Variants in MRPS28 observed in about 807,000 individuals in gnomAD.
MRPS28 encodes mitochondrial ribosomal protein S28, also known as small ribosomal subunit protein bS1m.
A neutral mutation model predicts 10.8 loss-of-function variants in MRPS28; 7 were observed. That is an observed-to-expected ratio of 0.65 (90% confidence interval 0.37 to 1.22). MRPS28 has a LOEUF of 1.22. MRPS28 is among the 50% of genes most tolerant of loss of function. The probability of loss-of-function intolerance (pLI) is 0.02; values close to 1 mark genes in which losing one functional copy is unlikely to be tolerated. For synonymous variants in MRPS28, 121 were observed against 93.3 expected, an observed-to-expected ratio of 1.30 and a Z score of -1.71; for missense variants, 265 against 232.9, an observed-to-expected ratio of 1.14 and a Z score of -0.90.
intron 2 of MRPS28, among the ~76,000 whole-genome samples, chr8:79,997,014 T>C (rs1171552314): frequency 6.6e-6 from 1 of 152,196 alleles, no homozygotes. Flanking sequence ...CTACTATCTA[T>C]GTTTGTTGTG....
intron 1 of MRPS28, among the ~76,000 whole-genome samples, chr8:80,020,510 C>G (rs1809327372): frequency 6.6e-6 from 1 of 152,070 alleles, no homozygotes; most frequent in Admixed American, 6.5e-5. Flanking sequence ...AAGCTGTGAG[C>G]CAGATGCTGA....
intron 2 of MRPS28, among the ~76,000 whole-genome samples, 158 bp downstream of exon 2, chr8:80,002,841 A>G (rs900040920): frequency 1.3e-5 from 2 of 152,232 alleles, no homozygotes; most frequent in Non-Finnish European, 1.5e-5. Context: ...CATGACCAAC[A>G]AGTATTTTTA....
At chr8:79,959,634 A>G (rs1382933523) in intron 2 of MRPS28, among the ~76,000 whole-genome samples, 1 of 152,154 alleles carries the variant, frequency 6.6e-6, no homozygotes, top group African/African-American at 2.4e-5. Flanking sequence ...CACATTTACA[A>G]TATGGGTTTT....
chr8:79,949,260 A>G (rs1464356032), intron 2 of MRPS28, among the ~76,000 whole-genome samples: 4 of 152,096 alleles, frequency 2.6e-5, no homozygotes, highest in African/African-American at 9.7e-5. Context: ...GAAAAATACA[A>G]AAAATTAGCC....
intron 2 of MRPS28, among the ~76,000 whole-genome samples, chr8:79,929,814 G>C (rs540579670): frequency 6.6e-6 from 1 of 152,232 alleles, no homozygotes; most frequent in East Asian, 1.9e-4. Context: ...AATTCAGTAA[G>C]GGTTGAATTA....
intron 1 of MRPS28, among the ~76,000 whole-genome samples, chr8:80,006,037 G>A (rs1472182363): frequency 6.6e-6 from 1 of 152,120 alleles, no homozygotes; most frequent in Non-Finnish European, 1.5e-5. Flanking sequence ...ATAATAATGG[G>A]AGACTTTAAC....
chr8:79,992,573 A>G lies in MRPS28; in HGVS notation c.395+10426T>C, dbSNP rs188420733. The stretch of plus-strand genomic sequence containing the variant: ...CTCTGTGTTACTGTGCTATACGTTT[A>G]TATCTTTCCTCCTAAAGATGAAGAT... On this transcript the variant is annotated intron_variant, in intron 2 of 2. Transcript: ENST00000276585. 1.6e-3 allele frequency among the ~76,000 whole-genome samples: 242 copies of G among 152,342 alleles called. 1 individual carries two copies. The highest frequency in any genetic ancestry group is 3.2e-3 in the Admixed American group (49 of 15,298).
intron 1 of MRPS28, among the ~76,000 whole-genome samples, chr8:80,021,067 A>G (rs1230807593): frequency 2.6e-5 from 4 of 151,668 alleles, no homozygotes; most frequent in Non-Finnish European, 5.9e-5. Context: ...CAGTGGCACA[A>G]TCTCGACTCA....
chr8:80,029,574 A>C (rs2130268279), intron 1 of MRPS28, among the ~76,000 whole-genome samples: 1 of 152,356 alleles, frequency 6.6e-6, no homozygotes, highest in African/African-American at 2.4e-5. Flanking sequence ...AAAGTGATTC[A>C]TCACCCAGTC....
At chr8:80,029,629 C>T in intron 1 of MRPS28, 4 of 763,056 alleles carry the variant, frequency 5.2e-6, no homozygotes, top group Non-Finnish European at 7.4e-6. Flanking sequence ...CTCCAGACAG[C>T]AAGCTCCATG....
chr8:79,933,507 CTTA>C (rs1284046101), intron 2 of MRPS28, among the ~76,000 whole-genome samples: 3 of 152,148 alleles, frequency 2.0e-5, no homozygotes, highest in Non-Finnish European at 4.4e-5. Flanking sequence ...ATAACAAGGT[CTTA>C]TTATCATATG....
intron 1 of MRPS28, chr8:80,028,667 G>T: frequency 7.5e-6 from 1 of 132,700 alleles, no homozygotes; most frequent in Non-Finnish European, 1.6e-5. Context: ...GCGGGGCCGG[G>T]CGGGGTCAGC....
intron 2 of MRPS28, among the ~76,000 whole-genome samples, chr8:79,978,765 A>G (rs372701078): frequency 7.9e-4 from 121 of 152,324 alleles, no homozygotes; most frequent in African/African-American, 2.7e-3. Context: ...ACATAATTTT[A>G]TTTTCCAGAA....
At chr8:79,985,062 T>G (rs1586077522) in intron 2 of MRPS28, among the ~76,000 whole-genome samples, 1 of 152,186 alleles carries the variant, frequency 6.6e-6, no homozygotes, top group African/African-American at 2.4e-5. Flanking sequence ...GATCAGAAAT[T>G]ATAACAAACT....
rs77501092 is a variant in MRPS28 at position 80,018,987 on chromosome 8, A to G, written c.213+11049T>C. Among the ~76,000 whole-genome samples the G allele has an allele frequency of 7.6e-3, 1,151 of 152,192 alleles. 8 individuals are homozygous for G. The highest frequency in any genetic ancestry group is 0.012 in the Non-Finnish European group (802 of 68,000). ...ACAGAGTAGAAGGATGGTTACCCAG[A>G]CGCTGGGAAGGGTATTGGGGGTTTG... On this transcript the variant is annotated intron_variant, in intron 1 of 2. Transcript: ENST00000276585.
At chr8:79,979,915 CAA>C (rs61633169) in intron 2 of MRPS28, among the ~76,000 whole-genome samples, 589 of 31,064 alleles carry the variant, frequency 0.019, 1 homozygote, top group African/African-American at 0.057. Flanking sequence ...GATTCTCACG[CAA>C]AAAAAAAAAA....
chr8:79,989,184 A>G (rs1586080738), intron 2 of MRPS28, among the ~76,000 whole-genome samples: 1 of 152,300 alleles, frequency 6.6e-6, no homozygotes, highest in East Asian at 1.9e-4. Context: ...AATAGTTTTA[A>G]GGGGAAACAT....
At chr8:80,005,183 A>G (rs201575912) in intron 1 of MRPS28, among the ~76,000 whole-genome samples, 2 of 152,126 alleles carry the variant, frequency 1.3e-5, no homozygotes, top group African/African-American at 2.4e-5. Flanking sequence ...ACACACAATT[A>G]TCAGATTCAC....
chr8:80,009,345 C>A (rs1385810905), intron 1 of MRPS28, among the ~76,000 whole-genome samples: 1 of 151,904 alleles, frequency 6.6e-6, no homozygotes, highest in Non-Finnish European at 1.5e-5. Context: ...TTAATGGGTG[C>A]AGCACACCAA....
Sources: allele counts gnomAD v4.1 joint callset (sites outside exome capture counted in the v4.1 genomes callset), GRCh38; gene constraint gnomAD v4.1.1; transcripts MANE v1.5; gene names NCBI Gene and HGNC (gene_info 2026-07-23, HGNC 2026-07-21).